MYO5B: variants seen among roughly 807,000 people sequenced by gnomAD.
MYO5B encodes the protein myosin VB, also known as unconventional myosin-Vb.
MYO5B carries 143 observed loss-of-function variants against 229.3 expected under a neutral mutation model. The observed-to-expected ratio is 0.62, with a 90% CI of 0.54 to 0.72. MYO5B has a LOEUF of 0.72. Ranked by LOEUF, MYO5B falls within the 30% of genes least tolerant of loss-of-function variation. The probability of loss-of-function intolerance (pLI) is 0.00; values close to 1 mark genes in which losing one functional copy is unlikely to be tolerated. For synonymous variants in MYO5B, 918 were observed against 885.2 expected, an observed-to-expected ratio of 1.04 and a Z score of -0.66; for missense variants, 2,321 against 2,331.0, an observed-to-expected ratio of 1.00 and a Z score of 0.09.
At chr18:49,908,311 C>T (rs117413283) in intron 18 of MYO5B, among the ~76,000 whole-genome samples, 2,734 of 152,310 alleles carry the variant, frequency 0.018, 60 homozygotes, top group Non-Finnish European at 0.02. Context: ...AGATCTGCTT[C>T]CTCTAACCCT....
intron 1 of MYO5B, among the ~76,000 whole-genome samples, chr18:50,077,502 A>ACACACAC (rs2031114450): frequency 1.7e-4 from 23 of 133,520 alleles, no homozygotes; most frequent in Admixed American, 3.0e-4. Context: ...CACACACACA[A>ACACACAC]ACACACACAC....
chr18:49,925,189 G>A (rs1209706337), intron 17 of MYO5B, among the ~76,000 whole-genome samples: 1 of 152,210 alleles, frequency 6.6e-6, no homozygotes, highest in Admixed American at 6.5e-5. Flanking sequence ...GATACCTGGA[G>A]AGTTCATCTG....
intron 27 of MYO5B, among the ~76,000 whole-genome samples, chr18:49,866,661 A>T (rs184787567): frequency 5.3e-5 from 8 of 152,206 alleles, no homozygotes; most frequent in Non-Finnish European, 1.5e-5. Context: ...AGAATAAGGG[A>T]GTCCCATTCC....
At chr18:49,963,626 C>T (rs571233298) in intron 10 of MYO5B, among the ~76,000 whole-genome samples, 2 of 151,978 alleles carry the variant, frequency 1.3e-5, no homozygotes, top group Non-Finnish European at 2.9e-5. Context: ...CAAGGTTTTG[C>T]CATGTTGTCC....
chr18:49,944,265 C>G, intron 14 of MYO5B, among the ~76,000 whole-genome samples: 1 of 152,228 alleles, frequency 6.6e-6, no homozygotes, highest in Non-Finnish European at 1.5e-5. Flanking sequence ...CAGAGCTGTA[C>G]GTAGCATAGT....
intron 1 of MYO5B, among the ~76,000 whole-genome samples, chr18:50,167,472 C>A (rs2032868297): frequency 6.6e-6 from 1 of 152,226 alleles, no homozygotes; most frequent in South Asian, 2.1e-4. Flanking sequence ...CAACCTGCCA[C>A]TTCAATGTAG....
intron 20 of MYO5B, among the ~76,000 whole-genome samples, chr18:49,904,216 A>G (rs1387282336): frequency 6.6e-6 from 1 of 152,252 alleles, no homozygotes; most frequent in East Asian, 1.9e-4. Context: ...ATGAACAAAT[A>G]AATGCCCTTC....
At chr18:50,155,105 A>G (rs889146318) in intron 1 of MYO5B, among the ~76,000 whole-genome samples, 1 of 152,248 alleles carries the variant, frequency 6.6e-6, no homozygotes, top group Non-Finnish European at 1.5e-5. Flanking sequence ...TTTCAAATTT[A>G]TATGGGTTCA....
intron 22 of MYO5B, among the ~76,000 whole-genome samples, chr18:49,882,921 A>G (rs1239773893): frequency 6.6e-6 from 1 of 152,230 alleles, no homozygotes; most frequent in Non-Finnish European, 1.5e-5. Flanking sequence ...CCAAAACCAA[A>G]GAAATCACTA....
intron 2 of MYO5B, among the ~76,000 whole-genome samples, chr18:50,049,608 T>G (rs2030337333): frequency 6.6e-6 from 1 of 152,210 alleles, no homozygotes; most frequent in African/African-American, 2.4e-5. Context: ...TGGGGCTGGA[T>G]AGTTCTCTGT....
At chr18:49,933,695 G>T (rs2025218976) in intron 16 of MYO5B, among the ~76,000 whole-genome samples, 1 of 152,148 alleles carries the variant, frequency 6.6e-6, no homozygotes, top group Non-Finnish European at 1.5e-5. Context: ...AGCACCCCTT[G>T]CCCCAGCAAA....
chr18:50,187,888 G>A (rs543751145), intron 1 of MYO5B, among the ~76,000 whole-genome samples: 1 of 152,194 alleles, frequency 6.6e-6, no homozygotes, highest in South Asian at 2.1e-4. Context: ...AGGGGGGCAG[G>A]GAGCTACAAC....
At chr18:49,883,670 A>G (rs1186723303) in intron 22 of MYO5B, among the ~76,000 whole-genome samples, 3 of 152,198 alleles carry the variant, frequency 2.0e-5, no homozygotes, top group Non-Finnish European at 4.4e-5. Context: ...AGAATACCCA[A>G]ACGATCTTGA....
Position 49,894,798 on chromosome 18 carries a change from G to C in MYO5B, c.3045+143C>G, listed in dbSNP as rs547037470. The C allele has an allele frequency of 2.0e-4, 151 of 749,216 alleles. No individual in the cohort carries two copies. In the African/African-American group the frequency reaches 2.1e-3, roughly 10 times the overall value. The allele number at this position is 749,216 out of a possible 1,614,324, so 46.4% of individuals were successfully genotyped here. A position where few individuals can be genotyped will look rare whatever the true frequency, so the allele number is the denominator to read the frequency against. Reference sequence around the variant, plus strand: ...CCCAAAGCATGCCACTTTCTGTCTAGACACAGATGAATGGTCAGTCTGTGC... The same window carrying C: ...CCCAAAGCATGCCACTTTCTGTCTACACACAGATGAATGGTCAGTCTGTGC... On this transcript the variant is annotated intron_variant, in intron 22 of 39. Transcript: ENST00000285039.
chr18:49,905,017 A>G (rs956734711), intron 19 of MYO5B, among the ~76,000 whole-genome samples, 189 bp from the exon 20 acceptor site: 1 of 152,234 alleles, frequency 6.6e-6, no homozygotes, highest in African/African-American at 2.4e-5. Context: ...TTGTGGCTAG[A>G]AAAGCAGTGT....
At chr18:50,034,837 T>C (rs2026431039) in intron 4 of MYO5B, among the ~76,000 whole-genome samples, 2 of 152,296 alleles carry the variant, frequency 1.3e-5, no homozygotes, top group South Asian at 4.1e-4. Flanking sequence ...TAATGCATGT[T>C]CATAAGCAAA....
intron 1 of MYO5B, among the ~76,000 whole-genome samples, chr18:50,093,967 A>G (rs1265735246): frequency 6.6e-6 from 1 of 152,212 alleles, no homozygotes; most frequent in African/African-American, 2.4e-5. Context: ...AGAAATAACC[A>G]TAAAAATGGC....
Position 50,055,251 on chromosome 18 carries a change from C to CCCCCCCCCCCCCCCCCCCA in MYO5B, c.138+16_138+17insTGGGGGGGGGGGGGGGGGG. The CCCCCCCCCCCCCCCCCCCA allele has an allele frequency of 7.2e-7, 1 of 1,395,456 alleles. No individual in the cohort carries two copies. Among genetic ancestry groups the CCCCCCCCCCCCCCCCCCCA allele is most frequent in the Non-Finnish European group, 1.0e-6 (1 of 985,422 alleles). The allele number at this position is 1,395,456 out of a possible 1,614,324, so 86.4% of individuals were successfully genotyped here. A position where few individuals can be genotyped will look rare whatever the true frequency, so the allele number is the denominator to read the frequency against. On this transcript the variant is annotated intron_variant, in intron 2 of 39. Coordinates refer to ENST00000285039, the MANE Select transcript of MYO5B (RefSeq NM_001080467.3). The stretch of plus-strand genomic sequence containing the variant: ...CCCCACCTCACCCCCGCCCCCCTGC[C>CCCCCCCCCCCCCCCCCCCA]CCGGACTCACTCTTACCGTTTCATC...
intron 4 of MYO5B, among the ~76,000 whole-genome samples, chr18:50,002,749 T>C (rs1425244805): frequency 6.6e-6 from 1 of 152,146 alleles, no homozygotes; most frequent in Non-Finnish European, 1.5e-5. Context: ...ACTCAATATA[T>C]ATCACTAAAC....
Sources: allele counts gnomAD v4.1 joint callset (sites outside exome capture counted in the v4.1 genomes callset), GRCh38; gene constraint gnomAD v4.1.1; transcripts MANE v1.5; gene names NCBI Gene and HGNC (gene_info 2026-07-23, HGNC 2026-07-21).